UNC13C: variants seen among roughly 807,000 people sequenced by gnomAD.
UNC13C encodes the protein protein unc-13 homolog C.
In UNC13C, 174 loss-of-function variants were observed where a neutral mutation model predicts 245.4. The ratio of observed to expected loss-of-function variants is 0.71; its 90% confidence interval spans 0.63 to 0.80. The LOEUF (loss-of-function observed/expected upper bound fraction) is 0.80. Ranked by LOEUF, UNC13C falls within the 30% of genes least tolerant of loss-of-function variation. The pLI, the probability that UNC13C is intolerant of heterozygous loss-of-function variation, is 0.00. For synonymous variants in UNC13C, 992 were observed against 895.1 expected (o/e 1.11, Z -1.93); for missense variants, 2,829 against 2,602.9 (o/e 1.09, Z -1.89).
intron 11 of UNC13C, among the ~76,000 whole-genome samples, chr15:54,297,371 G>C (rs1442984443): frequency 1.3e-5 from 2 of 151,986 alleles, no homozygotes; most frequent in African/African-American, 4.8e-5. Flanking sequence ...TTTTTAAATA[G>C]AGACAGGGTC....
At chr15:54,238,969 T>A (rs556291540) in intron 7 of UNC13C, among the ~76,000 whole-genome samples, 20 of 152,138 alleles carry the variant, frequency 1.3e-4, no homozygotes, top group African/African-American at 4.6e-4. Flanking sequence ...AAGCGATTTT[T>A]AAAAAAAATT....
rs1491546114 is a variant in UNC13C at position 54,553,004 on chromosome 15, A to ATT, written c.5878-2428_5878-2427insTT. Among the ~76,000 whole-genome samples the ATT allele has an allele frequency of 6.8e-3, 593 of 87,734 alleles. 42 individuals carry two copies. Among genetic ancestry groups the ATT allele is most frequent in the African/African-American group, 1.0e-2 (212 of 21,270 alleles). The allele number at this position is 87,734 out of a possible 152,430, so 57.6% of individuals were successfully genotyped here. A position where few individuals can be genotyped will look rare whatever the true frequency, so the allele number is the denominator to read the frequency against. On this transcript the variant is annotated intron_variant, in intron 28 of 32. Coordinates refer to ENST00000260323, the MANE Select transcript of UNC13C (RefSeq NM_001080534.3). The stretch of plus-strand genomic sequence containing the variant: ...TATTGTATTCTATATTACAATATAT[A>ATT]ATATATATTGTATTCTATATTACAA...
chr15:53,928,191 C>G, the UNC13C span, among the ~76,000 whole-genome samples: 1 of 152,112 alleles, frequency 6.6e-6, no homozygotes, highest in African/African-American at 2.4e-5. Context: ...GAGCCCCGAA[C>G]AGAGATATAC....
chr15:54,130,286 A>AGTT (rs2031327612), intron 2 of UNC13C, among the ~76,000 whole-genome samples: 1 of 59,476 alleles, frequency 1.7e-5, no homozygotes, highest in Admixed American at 2.7e-4. Context: ...GTAGATAATT[A>AGTT]ATTTTTTTTT....
rs538209731 is a variant in UNC13C at position 54,437,438 on chromosome 15, A to AGGGG, written c.4933+22371_4933+22372insGGGG. ...AAACATTGGGGCTTCTTGGTAATAT[A>AGGGG]ATCTGAGTCTAATCTATGACTGATT... On this transcript the variant is annotated intron_variant, in intron 19 of 32. Coordinates refer to ENST00000260323, the MANE Select transcript of UNC13C (RefSeq NM_001080534.3). Among the ~76,000 whole-genome samples, 37 of 152,048 alleles carry AGGGG rather than the reference A, an allele frequency of 2.4e-4. No homozygotes were observed. The East Asian group carries it at 6.8e-3, about 28-fold the overall frequency.
chr15:54,600,042 A>G (rs1899324262), intron 30 of UNC13C, among the ~76,000 whole-genome samples: 1 of 152,140 alleles, frequency 6.6e-6, no homozygotes, highest in Non-Finnish European at 1.5e-5. Context: ...TATAGCAGGC[A>G]TATGACCATT....
At chr15:53,933,871 G>A in the UNC13C span, among the ~76,000 whole-genome samples, 1 of 152,150 alleles carries the variant, frequency 6.6e-6, no homozygotes, top group Non-Finnish European at 1.5e-5. Context: ...TGATGTGTTA[G>A]GCCATTCTTG....
At chr15:54,194,263 G>A (rs2034281839) in intron 4 of UNC13C, among the ~76,000 whole-genome samples, 1 of 152,120 alleles carries the variant, frequency 6.6e-6, no homozygotes. Flanking sequence ...GTACTTCAAG[G>A]TTCTTAGGCA....
chr15:54,244,112 G>GT (rs749950935), intron 7 of UNC13C, among the ~76,000 whole-genome samples: 1 of 152,052 alleles, frequency 6.6e-6, no homozygotes, highest in Non-Finnish European at 1.5e-5. Context: ...TAGTTTTGGG[G>GT]TTTTATATTC....
At chr15:54,339,160 G>T (rs903225436) in intron 17 of UNC13C, among the ~76,000 whole-genome samples, 1 of 152,148 alleles carries the variant, frequency 6.6e-6, no homozygotes. Flanking sequence ...GAGCCACCAC[G>T]CCTGGCCTAT....
intron 2 of UNC13C, among the ~76,000 whole-genome samples, chr15:54,126,152 A>G (rs949862017): frequency 2.0e-4 from 31 of 152,244 alleles, no homozygotes; most frequent in Non-Finnish European, 4.4e-4. Context: ...ATTACATTAA[A>G]TGGTGTAAAT....
At chr15:54,186,845 G>GTATATATA (rs1555428684) in intron 4 of UNC13C, among the ~76,000 whole-genome samples, 1 of 113,382 alleles carries the variant, frequency 8.8e-6, no homozygotes, top group Non-Finnish European at 1.7e-5. Context: ...TAATATATAT[G>GTATATATA]TATATATATA....
rs536587686 is a variant in UNC13C, at chr15:54,626,642, A to AG, written c.6360-183dup. Among the ~76,000 whole-genome samples, 94 of 152,210 alleles carry AG rather than the reference A, an allele frequency of 6.2e-4. 1 individual carries two copies. The South Asian group carries it at 0.019, about 31-fold the overall frequency. Reference sequence around the variant, plus strand: ...CCATTTTTTTCTGTCTTTTCTATCTAGGGAAAAAGTCATTTTAACATTCGC... The same window carrying AG: ...CCATTTTTTTCTGTCTTTTCTATCTAGGGGAAAAAGTCATTTTAACATTCGC... On this transcript the variant is annotated intron_variant, in intron 32 of 32. Transcript: ENST00000260323.
chr15:54,063,470 T>C (rs535307174), intron 2 of UNC13C, among the ~76,000 whole-genome samples: 2 of 152,104 alleles, frequency 1.3e-5, no homozygotes, highest in Admixed American at 1.3e-4. Flanking sequence ...TTCACATCCC[T>C]CCTAGGAGTC....
At chr15:53,927,112 A>G in the UNC13C span, among the ~76,000 whole-genome samples, 1 of 152,224 alleles carries the variant, frequency 6.6e-6, no homozygotes, top group Non-Finnish European at 1.5e-5. Flanking sequence ...CATAACCACC[A>G]GGCAAAGTAG....
intron 4 of UNC13C, among the ~76,000 whole-genome samples, chr15:54,158,631 T>C (rs1156299697): frequency 6.6e-6 from 1 of 151,852 alleles, no homozygotes; most frequent in Non-Finnish European, 1.5e-5. Context: ...CTCTTTTTAA[T>C]ATTAGCTTTT....
chr15:53,918,236 T>G, the UNC13C span, among the ~76,000 whole-genome samples: 31 of 152,310 alleles, frequency 2.0e-4, no homozygotes, highest in South Asian at 5.8e-3. Context: ...CCGTGGAGTC[T>G]TCAGCCCCTG....
At chr15:54,161,748 C>A (rs748139189) in intron 4 of UNC13C, among the ~76,000 whole-genome samples, 1 of 151,960 alleles carries the variant, frequency 6.6e-6, no homozygotes, top group Admixed American at 6.6e-5. Flanking sequence ...GTCAGGAGTT[C>A]CAGAACAGCC....
chr15:54,418,808 T>G (rs138351480), intron 19 of UNC13C, among the ~76,000 whole-genome samples: 1 of 152,118 alleles, frequency 6.6e-6, no homozygotes, highest in African/African-American at 2.4e-5. Flanking sequence ...CTCAGAAATT[T>G]AGGAGATTCT....
Sources: allele counts gnomAD v4.1 joint callset (sites outside exome capture counted in the v4.1 genomes callset), GRCh38; gene constraint gnomAD v4.1.1; transcripts MANE v1.5; gene names NCBI Gene and HGNC (gene_info 2026-07-23, HGNC 2026-07-21).